The following OAS3 variants were observed in gnomAD, a reference collection of about 807,000 sequenced individuals.
OAS3 encodes the protein 2'-5'-oligoadenylate synthetase 3.
In OAS3, 107 loss-of-function variants were observed where a neutral mutation model predicts 113.0. The ratio of observed to expected loss-of-function variants is 0.95; its 90% CI spans 0.81 to 1.11. The LOEUF (loss-of-function observed/expected upper bound fraction) is 1.11. Among genes scored for constraint, OAS3 ranks in the 50% most tolerant of loss-of-function variants. The pLI is 0.00. For missense variants in OAS3, 1,258 were observed against 1,389.1 expected (o/e 0.91, Z 1.50); for synonymous variants, 552 against 573.6 (o/e 0.96, Z 0.54).
intron 13 of OAS3, 138 bp from the exon 14 acceptor site, chr12:112,967,798 G>C: frequency 3.6e-6 from 4 of 1,118,558 alleles, no homozygotes; most frequent in Non-Finnish European, 5.0e-6. Flanking sequence ...GATGTGATGG[G>C]ATAATGCATG....
Position 112,948,901 on chromosome 12 carries a change from T to C in OAS3, c.1070T>C (p.Ile357Thr). The stretch of plus-strand genomic sequence containing the variant: ...GGATGCTCAGGTTTGGGCCACCCCA[T>C]CCAGCTAGACCCTAACCAGAAGACC... Reference protein sequence around the residue: ...RAGCSGLGHPIQLDPNQKTPE... With the variant: ...RAGCSGLGHPTQLDPNQKTPE... The change falls in exon 6 of 16, where the codon ATC (isoleucine) becomes ACC (threonine). Residue 357 changes from isoleucine (I) to threonine (T), a missense_variant. Transcript: ENST00000228928. The C allele has an allele frequency of 6.2e-7, 1 of 1,601,036 alleles. No homozygotes were observed. Among genetic ancestry groups the C allele is most frequent in the Non-Finnish European group, 8.5e-7 (1 of 1,173,646 alleles).
Position 112,961,532 on chromosome 12 carries a change from T to TC in OAS3, c.1833+291dup, listed in dbSNP as rs972834980. Among the ~76,000 whole-genome samples, 61 of 152,138 alleles carry TC rather than the reference T, an allele frequency of 4.0e-4. No individual in the cohort carries two copies. In the Middle Eastern group the frequency reaches 0.01, roughly 25 times the overall value. On this transcript the variant is annotated intron_variant, in intron 8 of 15. Coordinates refer to ENST00000228928, the MANE Select transcript of OAS3 (RefSeq NM_006187.4). ...ACACTGCAAATGTTTTCTCTGTTTT[T>TC]CCCCCACCTCCAAGCCGTTGCTTAT... is the stretch of plus-strand genomic sequence containing the variant.
rs970176126 is a variant in OAS3 at position 112,963,828 on chromosome 12, G to GC, written c.2229+375dup. Among the ~76,000 whole-genome samples, 2 of 152,100 alleles carry GC rather than the reference G, an allele frequency of 1.3e-5. No homozygotes were observed. Among genetic ancestry groups the GC allele is most frequent in the Non-Finnish European group, 2.9e-5 (2 of 68,026 alleles). On this transcript the variant is annotated intron_variant, in intron 10 of 15. Coordinates refer to ENST00000228928, the MANE Select transcript of OAS3 (RefSeq NM_006187.4). The surrounding 1 kb of genome is among the most constrained non-coding windows in gnomAD (Gnocchi z 4.6). ...TTGTTCCACTTCTCCTCCAAGCACT[G>GC]CCCCAATTAATCATATGCACAAGAA...
At chr12:112,969,327 T>G in intron 14 of OAS3, 2 of 474,962 alleles carry the variant, frequency 4.2e-6, no homozygotes, top group Non-Finnish European at 3.9e-6. Flanking sequence ...GTGGAACCAG[T>G]GTTGTGATTG....
At position 112,967,999 on chromosome 12, in the gene OAS3, G is replaced by A. The variant is rs775639349; in HGVS notation, c.2929G>A (p.Val977Met). 1.8e-5 allele frequency: 29 copies of A among 1,613,930 alleles called. No homozygotes were observed. The highest frequency in any genetic ancestry group is 1.6e-4 in the Middle Eastern group (1 of 6,084). ...ACAGCACGGGCTGGAACTCCTGACTGTGTATGCCTGGGAGCAGGGCGGGAA... is the reference window on the plus strand; with the variant it reads ...ACAGCACGGGCTGGAACTCCTGACTATGTATGCCTGGGAGCAGGGCGGGAA... ...PPQHGLELLT[V>M]YAWEQGGKDS... The change falls in exon 14 of 16, where the codon GTG (valine) becomes ATG (methionine). Residue 977 changes from valine to methionine, a missense_variant. Coordinates refer to ENST00000228928, the MANE Select transcript of OAS3 (RefSeq NM_006187.4).
Position 112,967,612 on chromosome 12 carries a change from C to T in OAS3, c.2865+19C>T, listed in dbSNP as rs781688553. 9 of 1,607,624 alleles carry T rather than the reference C, an allele frequency of 5.6e-6. No individual in the cohort carries two copies. The South Asian group carries it at 1.0e-4, about 18-fold the overall frequency. On this transcript the variant is annotated intron_variant, in intron 13 of 15. Transcript: ENST00000228928. ...CCAGCAGGTTCGGCACATGGATAGGCCACCTTCCTAAGTTGCCCTGGGATC... is the reference window on the plus strand; with the variant it reads ...CCAGCAGGTTCGGCACATGGATAGGTCACCTTCCTAAGTTGCCCTGGGATC...
At chr12:112,941,878 G>C (rs1376167358) in intron 2 of OAS3, 26 bp downstream of exon 2, 2 of 1,613,902 alleles carry the variant, frequency 1.2e-6, no homozygotes, top group African/African-American at 1.3e-5. Flanking sequence ...ACCATTCCAG[G>C]GTTGGGGGCA....
At chr12:112,958,649 G>A (rs1239252561) in intron 7 of OAS3, among the ~76,000 whole-genome samples, 4 of 152,258 alleles carry the variant, frequency 2.6e-5, no homozygotes, top group Non-Finnish European at 5.9e-5. Flanking sequence ...AGTGGAGGCT[G>A]CAGAACAGCA....
intron 6 of OAS3, among the ~76,000 whole-genome samples, chr12:112,949,761 G>A (rs1471762486): frequency 6.6e-6 from 1 of 152,210 alleles, no homozygotes; most frequent in Non-Finnish European, 1.5e-5. Flanking sequence ...GCTCACGCCT[G>A]TAATCCTGGA....
intron 8 of OAS3, among the ~76,000 whole-genome samples, chr12:112,962,351 G>A (rs1325818575): frequency 2.0e-5 from 3 of 152,130 alleles, no homozygotes; most frequent in African/African-American, 4.8e-5. Context: ...GGATGGATTC[G>A]TCAATGCTTC....
Position 112,969,393 on chromosome 12 carries a change from T to C in OAS3, c.3105-215T>C. On this transcript the variant is annotated intron_variant, in intron 14 of 15. Transcript: ENST00000228928. Reference sequence around the variant, plus strand: ...GGTAAGCGGTAGCACCGTGGTTGATTAGTAATGTTTGCCTGAATGCAGAAT... The same window carrying C: ...GGTAAGCGGTAGCACCGTGGTTGATCAGTAATGTTTGCCTGAATGCAGAAT... 3 of 599,818 alleles carry C rather than the reference T, an allele frequency of 5.0e-6. No homozygotes were observed. In the South Asian group the frequency reaches 5.8e-5, roughly 12 times the overall value. The allele number at this position is 599,818 out of a possible 1,614,324, so 37.2% of individuals were successfully genotyped here.
In OAS3 at chr12:112,965,883, A is replaced by T. The variant is rs1236647401; in HGVS notation, c.2543A>T (p.Glu848Val). 6.2e-7 allele frequency: 1 copy of T among 1,613,662 alleles called. No homozygotes were observed. Among genetic ancestry groups the T allele is most frequent in the East Asian group, 2.2e-5 (1 of 44,870 alleles). The change falls in exon 12 of 16, where the codon GAG becomes GTG. Residue 848 changes from glutamate to valine, a missense_variant. By Grantham distance (121) the Glu-to-Val change is moderately radical. Transcript: ENST00000228928. ...ATCTCCGAGATCCGAGCCCAGCTGG[A>T]GGCATGTCAACAGGAGCGGCAGTTC... ...EIISEIRAQL[E>V]ACQQERQFEV...
At chr12:112,947,621 C>T (rs1036944698) in intron 4 of OAS3, among the ~76,000 whole-genome samples, 1 of 152,140 alleles carries the variant, frequency 6.6e-6, no homozygotes. Flanking sequence ...CATAAACATT[C>T]TTGGACATGT....
In OAS3 at chr12:112,963,512, G is replaced by A. The variant is rs2043907834; in HGVS notation, c.2229+55G>A. ...GCCCTGCACCCTGCCTTCTAGTCAG[G>A]TTCCCTTAACCTGCCGGTGCACCCA... On this transcript the variant is annotated intron_variant, in intron 10 of 15. Transcript: ENST00000228928. The surrounding 1 kb of genome is among the most constrained non-coding windows in gnomAD (Gnocchi z 4.6). 1.4e-6 allele frequency: 2 copies of A among 1,416,162 alleles called. No homozygotes were observed. Among genetic ancestry groups the A allele is most frequent in the Non-Finnish European group, 1.9e-6 (2 of 1,077,800 alleles). 87.7% of individuals were successfully genotyped at this position (1,416,162 alleles called of 1,614,324 possible). A position where few individuals can be genotyped will look rare whatever the true frequency, so the allele number is the denominator to read the frequency against.
In OAS3 at chr12:112,948,826, G is replaced by A. The variant is rs371858870; in HGVS notation, c.1030-35G>A. 2.0e-5 allele frequency: 30 copies of A among 1,493,580 alleles called. 1 individual carries two copies. The Admixed American group carries it at 4.2e-4, about 21-fold the overall frequency. 92.5% of individuals were successfully genotyped at this position (1,493,580 alleles called of 1,614,324 possible). On this transcript the variant is annotated intron_variant, in intron 5 of 15. Transcript: ENST00000228928. ...ATTGGGTTGATGCAGAAACCACTGCGCCTGGCTGAGGCAGCTCCTTCAATG... is the reference window on the plus strand; with the variant it reads ...ATTGGGTTGATGCAGAAACCACTGCACCTGGCTGAGGCAGCTCCTTCAATG...
chr12:112,964,191 G>A, intron 10 of OAS3, 44 bp from the exon 11 acceptor site: 2 of 1,544,754 alleles, frequency 1.3e-6, no homozygotes, highest in Non-Finnish European at 1.8e-6. Context: ...GGTGAGCACT[G>A]GGAGTCCCGT....
chr12:112,951,750 A>G (rs2043794318), intron 7 of OAS3, among the ~76,000 whole-genome samples: 1 of 149,884 alleles, frequency 6.7e-6, no homozygotes, highest in African/African-American at 2.5e-5. Flanking sequence ...TAATCCCAGC[A>G]TTTTGGAAGG....
intron 2 of OAS3, chr12:112,942,193 G>A: frequency 1.9e-6 from 1 of 513,446 alleles, no homozygotes; most frequent in Non-Finnish European, 3.4e-6. Flanking sequence ...AGCAGTAGGG[G>A]CCTGGGGACG....
intron 2 of OAS3, among the ~76,000 whole-genome samples, chr12:112,943,571 G>A (rs6489882): frequency 0.74 from 113,280 of 152,174 alleles, 43,448 homozygotes; most frequent in African/African-American, 0.94. Context: ...TGCTGGCTGT[G>A]TAACCTTGGG....
Sources: gnomAD v4.1 joint callset for allele counts (sites outside exome capture counted in the v4.1 genomes callset) on GRCh38, gnomAD v4.1.1 for gene constraint, Gnocchi (gnomAD v3.1) non-coding constraint, MANE v1.5 for transcripts, NCBI Gene and HGNC (gene_info 2026-07-23, HGNC 2026-07-21) for gene names.